Variants in MARCHF6 observed in about 807,000 individuals in gnomAD.
MARCHF6 encodes E3 ubiquitin-protein ligase MARCHF6.
MARCHF6 carries 31 observed loss-of-function variants against 133.7 expected under a neutral mutation model. That is an observed-to-expected ratio of 0.23 (90% CI 0.17 to 0.31). The LOEUF is 0.31. MARCHF6 is among the 10% of genes least tolerant of loss of function. MARCHF6 has a pLI of 1.00. For missense variants in MARCHF6, 723 were observed against 1,121.6 expected, an observed-to-expected ratio of 0.64 and a Z score of 5.08; for synonymous variants, 395 against 402.5, an observed-to-expected ratio of 0.98 and a Z score of 0.22.
intron 10 of MARCHF6, among the ~76,000 whole-genome samples, chr5:10,399,889 G>A (rs1738423595): frequency 6.6e-6 from 1 of 152,154 alleles, no homozygotes; most frequent in South Asian, 2.1e-4. Context: ...CTTGCAGCAT[G>A]TCATGTTTTA....
chr5:10,423,117 AGTTAC>A (rs780982114), intron 22 of MARCHF6, among the ~76,000 whole-genome samples: 200 of 151,586 alleles, frequency 1.3e-3, no homozygotes, highest in African/African-American at 4.4e-3. Context: ...TAAGCAGGGA[AGTTAC>A]GTTCATGATC....
intron 22 of MARCHF6, 111 bp downstream of exon 22, chr5:10,417,515 G>T: frequency 7.2e-7 from 1 of 1,381,678 alleles, no homozygotes; most frequent in Non-Finnish European, 1.0e-6. Flanking sequence ...GGAGGCTGAG[G>T]TGGGAGGACT....
At chr5:10,408,565 G>A (rs1427616924) in intron 17 of MARCHF6, among the ~76,000 whole-genome samples, 1 of 152,194 alleles carries the variant, frequency 6.6e-6, no homozygotes, top group African/African-American at 2.4e-5. Flanking sequence ...ATGAGAAAGA[G>A]TCTCGCTCTG....
At chr5:10,423,156 TGGTG>T (rs1421315307) in intron 22 of MARCHF6, among the ~76,000 whole-genome samples, 1 of 151,676 alleles carries the variant, frequency 6.6e-6, no homozygotes, top group African/African-American at 2.4e-5. Context: ...AAGAGATACT[TGGTG>T]GTGGTGGGGA....
At chr5:10,363,352 G>T (rs1561095875) in intron 1 of MARCHF6, among the ~76,000 whole-genome samples, 2 of 152,274 alleles carry the variant, frequency 1.3e-5, no homozygotes, top group East Asian at 3.9e-4. Context: ...ATGGTCCAAA[G>T]ATTTGTATAG....
chr5:10,377,780 T>G lies in MARCHF6; in HGVS notation c.20-18T>G. The G allele has an allele frequency of 4.5e-6, 7 of 1,569,246 alleles. No homozygotes were observed. Among genetic ancestry groups the G allele is most frequent in the Non-Finnish European group, 6.1e-6 (7 of 1,140,514 alleles). On this transcript the variant is annotated intron_variant, in intron 1 of 25. Transcript: ENST00000274140. ...AGTTATAACCAAAGGAAATTCAATTTTCCTTTTTCATTGGCAGACATATGT... is the reference window on the plus strand; with the variant it reads ...AGTTATAACCAAAGGAAATTCAATTGTCCTTTTTCATTGGCAGACATATGT...
intron 5 of MARCHF6, among the ~76,000 whole-genome samples, chr5:10,387,451 C>T (rs1469317750): frequency 2.0e-5 from 3 of 151,950 alleles, no homozygotes; most frequent in Admixed American, 6.6e-5. Context: ...TACAGGCACT[C>T]GCCAGCATGC....
Position 10,391,620 on chromosome 5 carries a change from G to A in MARCHF6, c.655G>A (p.Gly219Arg), listed in dbSNP as rs542361183. The change falls in exon 7 of 26, where the codon GGG (glycine) becomes AGG (arginine). Residue 219 changes from glycine (G) to arginine (R), a missense_variant. Coordinates refer to ENST00000274140, the MANE Select transcript of MARCHF6 (RefSeq NM_005885.4). The part of the protein sequence containing the change: ...ANPPAENAVV[G>R]ENPDAQDDQA... ...CCCACCAGCTGAGAACGCAGTGGTGGGGGAAAACCCTGATGCCCAGGATGA... is the reference window on the plus strand; with the variant it reads ...CCCACCAGCTGAGAACGCAGTGGTGAGGGAAAACCCTGATGCCCAGGATGA... The A allele has an allele frequency of 6.2e-7, 1 of 1,612,732 alleles. No individual in the cohort carries two copies.
rs529186478 is a variant in MARCHF6 at position 10,369,588 on chromosome 5, T to C, written c.20-8210T>C. ...TCATATAGCCAGCACAGTCAAGGTATAGAATAGTTCCATTACCCCCCCCCC... is the reference window on the plus strand; with the variant it reads ...TCATATAGCCAGCACAGTCAAGGTACAGAATAGTTCCATTACCCCCCCCCC... On this transcript the variant is annotated intron_variant, in intron 1 of 25. Coordinates refer to ENST00000274140, the MANE Select transcript of MARCHF6 (RefSeq NM_005885.4). Among the ~76,000 whole-genome samples the C allele has an allele frequency of 3.7e-4, 53 of 144,728 alleles. 1 individual carries two copies. The highest frequency in any genetic ancestry group is 1.4e-3 in the African/African-American group (53 of 38,728). The allele number at this position is 144,728 out of a possible 152,430, so 94.9% of individuals were successfully genotyped here.
At chr5:10,427,901 C>CT (rs1282713900) in intron 24 of MARCHF6, among the ~76,000 whole-genome samples, 8 of 152,044 alleles carry the variant, frequency 5.3e-5, no homozygotes, top group Middle Eastern at 3.4e-3. Context: ...GACCCAACCT[C>CT]TAAAAAAAAT....
chr5:10,426,369 T>A, intron 23 of MARCHF6, 21 bp from the exon 24 acceptor site: 1 of 1,611,704 alleles, frequency 6.2e-7, no homozygotes, highest in Non-Finnish European at 8.5e-7. Flanking sequence ...TTTGTTCTAA[T>A]TGCTTTTTGT....
intron 24 of MARCHF6, among the ~76,000 whole-genome samples, chr5:10,428,077 T>C (rs777080164): frequency 1.3e-5 from 2 of 151,336 alleles, no homozygotes; most frequent in Non-Finnish European, 2.9e-5. Flanking sequence ...AAAAAAAAAA[T>C]TGCTCAACAC....
chr5:10,433,527 A>G, intron 25 of MARCHF6, 67 bp from the exon 26 acceptor site: 1 of 1,219,994 alleles, frequency 8.2e-7, no homozygotes, highest in Non-Finnish European at 1.2e-6. Context: ...TAGATTTAAA[A>G]AGACATATGA....
chr5:10,391,807 C>T (rs564268884), intron 7 of MARCHF6, 76 bp downstream of exon 7: 22 of 1,332,894 alleles, frequency 1.7e-5, no homozygotes, highest in Admixed American at 3.0e-5. Context: ...AAAGGGCTGG[C>T]GTTTTCAAAT....
Position 10,435,606 on chromosome 5 carries a change from T to A in MARCHF6, c.*1922T>A, listed in dbSNP as rs1278502891. ...TCTCTTTGGGAGAAAAACATTATTA[T>A]TGAATTGAGCATATAACTATATAAC... On this transcript the variant is annotated 3_prime_UTR_variant, in exon 26 of 26. Transcript: ENST00000274140. 3 of 115,740 alleles carry A rather than the reference T, an allele frequency of 2.6e-5. No homozygotes were observed. The highest frequency in any genetic ancestry group is 5.1e-5 in the Non-Finnish European group (3 of 58,334). 7.2% of individuals were successfully genotyped at this position (115,740 alleles called of 1,614,324 possible). A position where few individuals can be genotyped will look rare whatever the true frequency, so the allele number is the denominator to read the frequency against.
chr5:10,357,442 C>T (rs1051977033), intron 1 of MARCHF6, among the ~76,000 whole-genome samples: 1 of 150,800 alleles, frequency 6.6e-6, no homozygotes, highest in African/African-American at 2.4e-5. Context: ...TTACAGAATA[C>T]CAAAGCAGCT....
intron 1 of MARCHF6, among the ~76,000 whole-genome samples, chr5:10,361,285 T>C (rs887964798): frequency 6.6e-6 from 1 of 152,246 alleles, no homozygotes. Context: ...CAGTTTTAGA[T>C]ATTGTTTTAG....
intron 17 of MARCHF6, among the ~76,000 whole-genome samples, chr5:10,408,410 A>G (rs554385049): frequency 6.6e-6 from 1 of 152,286 alleles, no homozygotes; most frequent in Admixed American, 6.5e-5. Context: ...ATTGTGCTAC[A>G]CTGCCATTGA....
chr5:10,391,645 A>G lies in MARCHF6; in HGVS notation c.680A>G (p.Asp227Gly). 2 of 1,611,418 alleles carry G rather than the reference A, an allele frequency of 1.2e-6. No homozygotes were observed. The highest frequency in any genetic ancestry group is 1.7e-6 in the Non-Finnish European group (2 of 1,178,986). Residue 227 changes from aspartate (D) to glycine (G), a missense_variant, in exon 7 of 26, where the codon GAC (aspartate) becomes GGC (glycine). Asp to Gly is a moderately conservative substitution (Grantham distance 94). Coordinates refer to ENST00000274140, the MANE Select transcript of MARCHF6 (RefSeq NM_005885.4). The stretch of plus-strand genomic sequence containing the variant: ...GGGGAAAACCCTGATGCCCAGGATG[A>G]CCAGGCAGAAGAGGAGGAGGAGGAC... ...VVGENPDAQD[D>G]QAEEEEEDNE...
Sources: gnomAD v4.1 joint callset for allele counts (sites outside exome capture counted in the v4.1 genomes callset) on GRCh38, gnomAD v4.1.1 for gene constraint, MANE v1.5 for transcripts, NCBI Gene and HGNC (gene_info 2026-07-23, HGNC 2026-07-21) for gene names.